CADPS2: variants seen among roughly 807,000 people sequenced by gnomAD.
CADPS2 encodes calcium-dependent secretion activator 2.
A neutral mutation model predicts 172.5 loss-of-function variants in CADPS2; 93 were observed. The ratio of observed to expected loss-of-function variants is 0.54; its 90% CI spans 0.46 to 0.64. The LOEUF (loss-of-function observed/expected upper bound fraction) is 0.64, where lower values mean the gene tolerates loss of function less well. Among genes scored for constraint, CADPS2 ranks in the 30% least tolerant of loss-of-function variants. CADPS2 has a pLI of 0.00. For synonymous variants in CADPS2, 546 were observed against 555.2 expected (o/e 0.98, Z 0.23); for missense variants, 1,420 against 1,565.9 (o/e 0.91, Z 1.57).
At chr7:122,600,162 T>G (rs1366851643) in intron 6 of CADPS2, among the ~76,000 whole-genome samples, 2 of 152,030 alleles carry the variant, frequency 1.3e-5, no homozygotes. Context: ...AGAAGCTACA[T>G]GATGGAAAGA....
intron 24 of CADPS2, among the ~76,000 whole-genome samples, chr7:122,386,785 G>A (rs73444460): frequency 0.02 from 3,032 of 152,156 alleles, 53 homozygotes; most frequent in East Asian, 0.038. Flanking sequence ...CACTTCAGCT[G>A]TTAAAAGCTA....
intron 4 of CADPS2, among the ~76,000 whole-genome samples, chr7:122,623,446 T>C (rs1298700659): frequency 6.6e-6 from 1 of 152,170 alleles, no homozygotes. Flanking sequence ...GGCCATCCAA[T>C]GATCATTTGG....
At position 122,862,398 on chromosome 7, in the gene CADPS2, A is replaced by G. The variant is rs188135337; in HGVS notation, c.339+23601T>C. Among the ~76,000 whole-genome samples, 556 of 152,322 alleles carry G rather than the reference A, an allele frequency of 3.7e-3. 1 individual carries two copies. Among genetic ancestry groups the G allele is most frequent in the Non-Finnish European group, 5.0e-3 (338 of 68,034 alleles). The stretch of plus-strand genomic sequence containing the variant: ...TGTCATCACATAATCCAAGGAAAGA[A>G]GAGAAAGAAGACAGGAGATTTATCC... On this transcript the variant is annotated intron_variant, in intron 1 of 29. Coordinates refer to ENST00000449022, the MANE Select transcript of CADPS2 (RefSeq NM_017954.11).
At chr7:122,675,664 C>G (rs1210859499) in intron 2 of CADPS2, among the ~76,000 whole-genome samples, 1 of 152,144 alleles carries the variant, frequency 6.6e-6, no homozygotes, top group Non-Finnish European at 1.5e-5. Flanking sequence ...TTCATGTCCT[C>G]TGCAGGAATG....
intron 9 of CADPS2, among the ~76,000 whole-genome samples, chr7:122,508,377 G>A (rs1420056175): frequency 1.4e-5 from 2 of 138,180 alleles, no homozygotes; most frequent in Admixed American, 7.4e-5. Flanking sequence ...AAACTTAAAT[G>A]TTCAAAGAAG....
At chr7:122,445,057 C>A (rs539617305) in intron 15 of CADPS2, among the ~76,000 whole-genome samples, 36 of 152,230 alleles carry the variant, frequency 2.4e-4, no homozygotes, top group Non-Finnish European at 4.6e-4. Context: ...AATCAACAGA[C>A]CATATATGTG....
At chr7:122,824,158 A>G (rs992929165) in intron 1 of CADPS2, among the ~76,000 whole-genome samples, 1 of 152,242 alleles carries the variant, frequency 6.6e-6, no homozygotes, top group Non-Finnish European at 1.5e-5. Context: ...ATAATACAGT[A>G]AACTGAGTGT....
chr7:122,841,538 T>C (rs1204245251), intron 1 of CADPS2, among the ~76,000 whole-genome samples: 1 of 152,156 alleles, frequency 6.6e-6, no homozygotes, highest in Non-Finnish European at 1.5e-5. Flanking sequence ...AAAACCAACT[T>C]ATCAAAGTAG....
chr7:122,837,303 C>A (rs1808797209), intron 1 of CADPS2, among the ~76,000 whole-genome samples: 1 of 152,174 alleles, frequency 6.6e-6, no homozygotes, highest in African/African-American at 2.4e-5. Flanking sequence ...ATTTATAGCA[C>A]TAAATGCCCA....
At chr7:122,527,894 T>C (rs2061404544) in intron 8 of CADPS2, among the ~76,000 whole-genome samples, 1 of 151,836 alleles carries the variant, frequency 6.6e-6, no homozygotes, top group African/African-American at 2.4e-5. Flanking sequence ...AGGGTGAAAA[T>C]AATGAGAGAG....
At chr7:122,774,150 T>C (rs2093794158) in intron 1 of CADPS2, among the ~76,000 whole-genome samples, 1 of 152,012 alleles carries the variant, frequency 6.6e-6, no homozygotes, top group South Asian at 2.1e-4. Context: ...TATTGCCATA[T>C]ATATTAATCT....
chr7:122,388,713 G>A lies in CADPS2; in HGVS notation c.3034C>T (p.Leu1012Phe). 3.1e-6 allele frequency: 5 copies of A among 1,607,708 alleles called. No homozygotes were observed. Among genetic ancestry groups the A allele is most frequent in the Non-Finnish European group, 4.3e-6 (5 of 1,176,116 alleles). Reference sequence around the variant, plus strand: ...TGCAGTGCATCAAGCTTCCAAAAAAGGTCTTCTGATGTTGCTGAGCCATTG... The same window carrying A: ...TGCAGTGCATCAAGCTTCCAAAAAAAGTCTTCTGATGTTGCTGAGCCATTG... ...STNGSATSED[L>F]FWKLDALQMF... Residue 1012 changes from leucine (L) to phenylalanine (F), a missense_variant, in exon 23 of 30, where the codon CTT becomes TTT. Transcript: ENST00000449022.
At chr7:122,561,521 A>G (rs1445251404) in intron 7 of CADPS2, among the ~76,000 whole-genome samples, 1 of 152,170 alleles carries the variant, frequency 6.6e-6, no homozygotes, top group Non-Finnish European at 1.5e-5. Context: ...AAGATGTGTC[A>G]ATCATTCTCC....
rs184579000 is a variant in CADPS2, at chr7:122,809,538, C to T, written c.340-72470G>A. ...GACGTTGCAGTGCGCTGAGATCGTG[C>T]CATTGCACTCCAGCCTGGGCAATAG... On this transcript the variant is annotated intron_variant, in intron 1 of 29. Coordinates refer to ENST00000449022, the MANE Select transcript of CADPS2 (RefSeq NM_017954.11). 7.3e-3 allele frequency among the ~76,000 whole-genome samples: 1,101 copies of T among 151,230 alleles called. 49 individuals carry two copies. The highest frequency in any genetic ancestry group is 0.067 in the Admixed American group (1,019 of 15,184).
intron 3 of CADPS2, among the ~76,000 whole-genome samples, chr7:122,631,388 TTTGAG>T (rs1445433983): frequency 1.3e-5 from 2 of 152,244 alleles, no homozygotes; most frequent in South Asian, 2.1e-4. Flanking sequence ...AGTGAAATTG[TTTGAG>T]TTATTTCTAA....
chr7:122,393,494 G>A lies in CADPS2; in HGVS notation c.2835C>T (p.Ser945=), dbSNP rs1377605411. The part of the protein sequence containing the change: ...VVRYVDLMES[S]IAQSIHRGFE... Reference sequence around the variant, plus strand: ...AACCTCTGTGAATTGACTGGGCGATGGAAGACTCCATGAGATCCACATAGC... The same window carrying A: ...AACCTCTGTGAATTGACTGGGCGATAGAAGACTCCATGAGATCCACATAGC... Residue 945 remains serine (S), a synonymous_variant, in exon 21 of 30, where the codon TCC becomes TCT. Transcript: ENST00000449022. 1.2e-6 allele frequency: 2 copies of A among 1,613,716 alleles called. No homozygotes were observed. Among genetic ancestry groups the A allele is most frequent in the Non-Finnish European group, 1.7e-6 (2 of 1,179,834 alleles).
At chr7:122,521,646 G>A (rs1207009438) in intron 8 of CADPS2, among the ~76,000 whole-genome samples, 1 of 151,998 alleles carries the variant, frequency 6.6e-6, no homozygotes, top group Non-Finnish European at 1.5e-5. Flanking sequence ...GCATGGAAAG[G>A]ATCTTCATCA....
At chr7:122,623,712 G>C (rs942450982) in intron 4 of CADPS2, among the ~76,000 whole-genome samples, 1 of 152,006 alleles carries the variant, frequency 6.6e-6, no homozygotes, top group Non-Finnish European at 1.5e-5. Flanking sequence ...CACCTAACTT[G>C]TTTGCTTATT....
intron 1 of CADPS2, among the ~76,000 whole-genome samples, chr7:122,868,513 C>A (rs140725417): frequency 6.6e-6 from 1 of 152,130 alleles, no homozygotes; most frequent in African/African-American, 2.4e-5. Flanking sequence ...TTCCTAGGAG[C>A]CACTAAGAAC....
Sources: gnomAD v4.1 joint callset for allele counts (sites outside exome capture counted in the v4.1 genomes callset) on GRCh38, gnomAD v4.1.1 for gene constraint, MANE v1.5 for transcripts, NCBI Gene and HGNC (gene_info 2026-07-23, HGNC 2026-07-21) for gene names.